The following CHRM3 variants were observed in gnomAD, a reference collection of about 807,000 sequenced individuals.
The protein encoded by CHRM3 is muscarinic acetylcholine receptor M3.
In CHRM3, 11 loss-of-function variants were observed where a neutral mutation model predicts 41.8. The ratio of observed to expected loss-of-function variants is 0.26; its 90% CI spans 0.17 to 0.44. The LOEUF is 0.44. Among genes scored for constraint, CHRM3 ranks in the 20% least tolerant of loss-of-function variants. The pLI is 1.00. For missense variants in CHRM3, 571 were observed against 745.4 expected (o/e 0.77, Z 2.72); for synonymous variants, 297 against 301.4 (o/e 0.99, Z 0.15).
intron 5 of CHRM3, among the ~76,000 whole-genome samples, chr1:239,742,463 C>T (rs1664943880): frequency 6.6e-6 from 1 of 152,114 alleles, no homozygotes; most frequent in Non-Finnish European, 1.5e-5. Context: ...TGTTTACATT[C>T]TCCTCTATAT....
At chr1:239,648,792 A>G (rs1436072672) in intron 4 of CHRM3, among the ~76,000 whole-genome samples, 5 of 152,184 alleles carry the variant, frequency 3.3e-5, no homozygotes, top group South Asian at 2.1e-4. Context: ...ATAAATTTTT[A>G]TATGTATAAA....
intron 1 of CHRM3, among the ~76,000 whole-genome samples, chr1:239,472,343 T>C (rs1043015057): frequency 1.3e-5 from 2 of 152,156 alleles, no homozygotes; most frequent in East Asian, 3.9e-4. Flanking sequence ...GACCTAATAT[T>C]GTACATTCGG....
intron 6 of CHRM3, among the ~76,000 whole-genome samples, chr1:239,906,040 A>G (rs1012245203): frequency 6.6e-5 from 10 of 152,110 alleles, no homozygotes; most frequent in Admixed American, 2.0e-4. Flanking sequence ...TATCATTCCC[A>G]TTTTTCAATG....
At chr1:239,717,040 T>G (rs897966153) in intron 5 of CHRM3, among the ~76,000 whole-genome samples, 12 of 124,942 alleles carry the variant, frequency 9.6e-5, no homozygotes, top group African/African-American at 3.0e-4. Context: ...TCTCAATCAC[T>G]TCCAGTTTTT....
chr1:239,430,500 A>G (rs1020313162), intron 1 of CHRM3, among the ~76,000 whole-genome samples: 1 of 152,034 alleles, frequency 6.6e-6, no homozygotes, highest in Non-Finnish European at 1.5e-5. Flanking sequence ...TTTTTCATTC[A>G]TTGGCCAATG....
rs137954078 is a variant in CHRM3, at chr1:239,896,475, C to A, written c.-19-10958C>A. On this transcript the variant is annotated intron_variant, in intron 6 of 6. Transcript: ENST00000676153. ...GAAATAATGATTGAAGAGTTGAACA[C>A]GTGAATATGAGATTCCTTTTTTGCT... Among the ~76,000 whole-genome samples the A allele has an allele frequency of 1.2e-4, 18 of 152,306 alleles. No individual in the cohort carries two copies. The East Asian group carries it at 3.3e-3, about 28-fold the overall frequency.
chr1:239,568,107 G>T (rs1661518776), intron 3 of CHRM3, among the ~76,000 whole-genome samples: 1 of 152,036 alleles, frequency 6.6e-6, no homozygotes, highest in Non-Finnish European at 1.5e-5. Flanking sequence ...CAGCCTCCTG[G>T]ACAGCCAGGT....
chr1:239,770,774 G>A (rs1246976041), intron 5 of CHRM3, among the ~76,000 whole-genome samples: 1 of 152,084 alleles, frequency 6.6e-6, no homozygotes, highest in Non-Finnish European at 1.5e-5. Context: ...ATCTCAAAAT[G>A]AAAGTACCCA....
chr1:239,553,481 T>C (rs1432609421), intron 3 of CHRM3, among the ~76,000 whole-genome samples: 3 of 152,204 alleles, frequency 2.0e-5, no homozygotes, highest in African/African-American at 4.8e-5. Context: ...ATTTTTAAGA[T>C]TGAAAATTTT....
intron 2 of CHRM3, among the ~76,000 whole-genome samples, chr1:239,524,177 T>TAC (rs1283778359): frequency 1.3e-5 from 2 of 152,158 alleles, no homozygotes; most frequent in African/African-American, 4.8e-5. Context: ...AGAATATATA[T>TAC]ATATATATGC....
chr1:239,478,363 A>C (rs909238117), intron 1 of CHRM3, among the ~76,000 whole-genome samples: 2 of 152,226 alleles, frequency 1.3e-5, no homozygotes, highest in African/African-American at 4.8e-5. Flanking sequence ...TCAGCATAAA[A>C]TAGACACTAA....
At chr1:239,567,305 G>GAAA (rs34425115) in intron 3 of CHRM3, among the ~76,000 whole-genome samples, 159 of 140,830 alleles carry the variant, frequency 1.1e-3, no homozygotes, top group Non-Finnish European at 1.8e-3. Flanking sequence ...GACCTCATCT[G>GAAA]AAAAAAAAAA....
chr1:239,630,441 A>G (rs915864656), intron 3 of CHRM3, among the ~76,000 whole-genome samples: 8 of 152,204 alleles, frequency 5.3e-5, no homozygotes, highest in African/African-American at 1.4e-4. Context: ...ACATGGTTAA[A>G]TGGAGTTAAC....
At chr1:239,448,310 A>G (rs1263681468) in intron 1 of CHRM3, among the ~76,000 whole-genome samples, 1 of 152,124 alleles carries the variant, frequency 6.6e-6, no homozygotes, top group Non-Finnish European at 1.5e-5. Context: ...GATGCAATAT[A>G]AAATTCACTT....
At chr1:239,483,738 A>ACTTTCTTCCCC (rs1453464029) in intron 1 of CHRM3, among the ~76,000 whole-genome samples, 14 of 152,228 alleles carry the variant, frequency 9.2e-5, no homozygotes, top group Admixed American at 2.6e-4. Flanking sequence ...AAGTGGTGTT[A>ACTTTCTTCCCC]ATAAAGTAGA....
At chr1:239,867,700 G>A (rs1026965129) in intron 6 of CHRM3, among the ~76,000 whole-genome samples, 5 of 128,844 alleles carry the variant, frequency 3.9e-5, no homozygotes, top group Admixed American at 2.4e-4. Flanking sequence ...AAAAAAAAAA[G>A]TCGTGTCCAG....
intron 1 of CHRM3, among the ~76,000 whole-genome samples, chr1:239,401,181 A>G (rs1030983168): frequency 4.6e-5 from 7 of 152,168 alleles, no homozygotes; most frequent in African/African-American, 1.7e-4. Flanking sequence ...AGGCCACAAC[A>G]TGGAACCGGG....
chr1:239,791,932 A>G (rs1669387152), intron 5 of CHRM3, among the ~76,000 whole-genome samples: 1 of 152,212 alleles, frequency 6.6e-6, no homozygotes, highest in African/African-American at 2.4e-5. Flanking sequence ...GTGTCTGTAA[A>G]TATACGTATT....
chr1:239,601,078 G>C (rs73122651), intron 3 of CHRM3, among the ~76,000 whole-genome samples: 1 of 152,190 alleles, frequency 6.6e-6, no homozygotes, highest in African/African-American at 2.4e-5. Context: ...TAGGAATCCA[G>C]TGGAGAGGAT....
Sources: gnomAD v4.1 joint callset for allele counts (sites outside exome capture counted in the v4.1 genomes callset) on GRCh38, gnomAD v4.1.1 for gene constraint, MANE v1.5 for transcripts, NCBI Gene and HGNC (gene_info 2026-07-23, HGNC 2026-07-21) for gene names.